The following PRAG1 variants were observed in gnomAD, a reference collection of about 807,000 sequenced individuals.
PRAG1 encodes the protein PEAK1 related, kinase-activating pseudokinase 1.
A neutral mutation model predicts 95.6 loss-of-function variants in PRAG1; 110 were observed. The observed-to-expected ratio is 1.15, with a 90% confidence interval of 0.99 to 1.35. The LOEUF (loss-of-function observed/expected upper bound fraction) is 1.35, where lower values mean the gene tolerates loss of function less well. PRAG1 is among the 40% of genes most tolerant of loss of function. PRAG1 has a pLI of 0.00. For missense variants in PRAG1, 2,554 were observed against 1,864.7 expected (o/e 1.37, Z -6.81); for synonymous variants, 1,052 against 819.4 (o/e 1.28, Z -4.85).
intron 3 of PRAG1, among the ~76,000 whole-genome samples, chr8:8,374,194 G>A (rs1021548457): frequency 6.6e-6 from 1 of 152,198 alleles, no homozygotes; most frequent in Non-Finnish European, 1.5e-5. Flanking sequence ...TCATTTTAGA[G>A]AAGAGACTCC....
At chr8:8,335,229 G>A (rs1798949802) in intron 4 of PRAG1, among the ~76,000 whole-genome samples, 1 of 152,190 alleles carries the variant, frequency 6.6e-6, no homozygotes, top group Admixed American at 6.5e-5. Flanking sequence ...TCATGCCAAT[G>A]TATGGCACAG....
intron 3 of PRAG1, among the ~76,000 whole-genome samples, chr8:8,364,762 C>T (rs974639727): frequency 4.6e-5 from 7 of 151,994 alleles, no homozygotes; most frequent in Non-Finnish European, 7.4e-5. Flanking sequence ...GTCACGGCTC[C>T]ACCTAAAAGA....
chr8:8,369,089 G>T (rs771546775), intron 3 of PRAG1, among the ~76,000 whole-genome samples: 11 of 152,016 alleles, frequency 7.2e-5, no homozygotes, highest in Admixed American at 2.6e-4. Flanking sequence ...TTAACTCAAG[G>T]TGGTAATGTT....
rs1190487815 is a variant in PRAG1, at chr8:8,318,766, C to T, written c.3609G>A (p.Gly1203=). The T allele has an allele frequency of 7.6e-6, 12 of 1,576,316 alleles. No homozygotes were observed. Among genetic ancestry groups the T allele is most frequent in the Middle Eastern group, 1.8e-4 (1 of 5,554 alleles). Residue 1203 remains glycine, a synonymous_variant, in exon 6 of 6, where the codon GGG becomes GGA. Coordinates refer to ENST00000615670, the MANE Select transcript of PRAG1 (RefSeq NM_001080826.3). The surrounding 1 kb of genome is among the most constrained non-coding windows in gnomAD (Gnocchi z 4.2). The stretch of plus-strand genomic sequence containing the variant: ...GCCGGGGCAGCTGCTTCTCCCGGGG[C>T]CCTTCCGGGGAGGCGGGGCCGGCTG... ...SPAAGPASPE[G]PREKQLPRLI...
chr8:8,365,797 T>TATAC lies in PRAG1; in HGVS notation c.2162+10449_2162+10450insGTAT, dbSNP rs945857697. On this transcript the variant is annotated intron_variant, in intron 3 of 5. Transcript: ENST00000615670. ...GGCCAATGTGGTGAAACCCTATATA[T>TATAC]ATATATATACACACACATATATATA... Among the ~76,000 whole-genome samples the TATAC allele has an allele frequency of 4.6e-5, 7 of 150,588 alleles. No homozygotes were observed. In the South Asian group the frequency reaches 1.5e-3, roughly 32 times the overall value.
chr8:8,346,596 A>G (rs1369869621), intron 3 of PRAG1, among the ~76,000 whole-genome samples: 1 of 152,242 alleles, frequency 6.6e-6, no homozygotes, highest in Admixed American at 6.5e-5. Flanking sequence ...CGGAAGAGCC[A>G]TCTGCTAGAC....
In PRAG1 at chr8:8,318,927, T is replaced by G; in HGVS notation, c.3448A>C (p.Asn1150His). 1.2e-6 allele frequency: 2 copies of G among 1,610,374 alleles called. No individual in the cohort carries two copies. The highest frequency in any genetic ancestry group is 1.7e-6 in the Non-Finnish European group (2 of 1,178,766). The change falls in exon 6 of 6, where the codon AAC becomes CAC. Residue 1150 changes from asparagine to histidine, a missense_variant. Coordinates refer to ENST00000615670, the MANE Select transcript of PRAG1 (RefSeq NM_001080826.3). This position sits in a 1 kb window ranked among gnomAD's most constrained non-coding sequence, Gnocchi z 4.2. The stretch of plus-strand genomic sequence containing the variant: ...AGGGTGCAGTGCACCAGCAGCAGGT[T>G]CTCCAGGCACAGGTCCCGGTGGATG... ...GIIHRDLCLE[N>H]LLLVHCTLQA... is the part of the protein sequence containing the mutation.
rs200629467 is a variant in PRAG1 at position 8,377,582 on chromosome 8, C to T, written c.827G>A (p.Arg276Gln). 153 of 1,611,602 alleles carry T rather than the reference C, an allele frequency of 9.5e-5. 1 individual carries two copies. Among genetic ancestry groups the T allele is most frequent in the Middle Eastern group, 6.6e-4 (4 of 6,080 alleles). Residue 276 changes from arginine to glutamine, a missense_variant, in exon 3 of 6, where the codon CGG becomes CAG. By Grantham distance (43) the Arg-to-Gln change is conservative. Transcript: ENST00000615670. ...GCAGTCCCTGCCACCATGCCTGCCC[C>T]GGGAACCTGCAGTCTGGGAGGCAGC... Reference protein sequence around the residue: ...AKAASQTAGSRGRHGGRDCSP... With the variant: ...AKAASQTAGSQGRHGGRDCSP...
intron 3 of PRAG1, among the ~76,000 whole-genome samples, chr8:8,362,141 T>C (rs948489406): frequency 3.3e-5 from 5 of 152,246 alleles, no homozygotes; most frequent in African/African-American, 1.2e-4. Context: ...TCGTCCTACC[T>C]GGCTGCTTCC....
At chr8:8,332,187 G>GT (rs1372425121) in intron 4 of PRAG1, among the ~76,000 whole-genome samples, 1 of 145,534 alleles carries the variant, frequency 6.9e-6, no homozygotes, top group East Asian at 2.0e-4. Flanking sequence ...TTTTGATGAA[G>GT]TTTTGCTCTT....
At chr8:8,348,433 C>G (rs1319150508) in intron 3 of PRAG1, among the ~76,000 whole-genome samples, 1 of 152,190 alleles carries the variant, frequency 6.6e-6, no homozygotes, top group Non-Finnish European at 1.5e-5. Context: ...TCCCCATAGT[C>G]TATTCATTCC....
Position 8,328,175 on chromosome 8 carries a change from C to G in PRAG1, c.2607G>C (p.Gly869=). The change falls in exon 5 of 6, where the codon GGG becomes GGC. Residue 869 remains glycine (G), a synonymous_variant. Transcript: ENST00000615670. ...ESHFSYSLSP[G]NRHHPVFSSS... ...AGGAGAAGACAGGATGGTGGCGGTTCCCGGGGCTCAACGAATAGCTAAAGT... is the reference window on the plus strand; with the variant it reads ...AGGAGAAGACAGGATGGTGGCGGTTGCCGGGGCTCAACGAATAGCTAAAGT... 6.2e-7 allele frequency: 1 copy of G among 1,614,146 alleles called. No individual in the cohort carries two copies. The highest frequency in any genetic ancestry group is 8.5e-7 in the Non-Finnish European group (1 of 1,180,020).
chr8:8,384,322 G>A (rs925175918), intron 1 of PRAG1, among the ~76,000 whole-genome samples: 1 of 152,034 alleles, frequency 6.6e-6, no homozygotes, highest in African/African-American at 2.4e-5. Flanking sequence ...AAGGGAGTGT[G>A]GAAGGATCTG....
Position 8,318,668 on chromosome 8 carries a change from T to C in PRAG1, c.3707A>G (p.Gln1236Arg), listed in dbSNP as rs1486664461. ...CACGATCTCGGGGGCCAGCCGGGCC[T>C]GGCTCTTCTTCTGCTGCAGGTTTGG... ...GTPNLQQKKSQARLAPEIVSA... is the reference protein window; with the variant it reads ...GTPNLQQKKSRARLAPEIVSA... Residue 1236 changes from glutamine (Q) to arginine (R), a missense_variant, in exon 6 of 6, where the codon CAG becomes CGG. Transcript: ENST00000615670. The surrounding 1 kb of genome is among the most constrained non-coding windows in gnomAD (Gnocchi z 4.2). 2.5e-6 allele frequency: 4 copies of C among 1,611,638 alleles called. No homozygotes were observed. Among genetic ancestry groups the C allele is most frequent in the East Asian group, 4.5e-5 (2 of 44,822 alleles).
intron 3 of PRAG1, among the ~76,000 whole-genome samples, chr8:8,350,319 G>T (rs1799481335): frequency 6.6e-6 from 1 of 152,014 alleles, no homozygotes. Flanking sequence ...GAGTGATGAA[G>T]AACTCATAGC....
chr8:8,332,183 T>C lies in PRAG1; in HGVS notation c.2321-3722A>G, dbSNP rs1018316484. Among the ~76,000 whole-genome samples, 17 of 143,312 alleles carry C rather than the reference T, an allele frequency of 1.2e-4. No homozygotes were observed. In the Admixed American group the frequency reaches 1.2e-3, roughly 10 times the overall value. 94.0% of individuals were successfully genotyped at this position (143,312 alleles called of 152,430 possible). A position where few individuals can be genotyped will look rare whatever the true frequency, so the allele number is the denominator to read the frequency against. On this transcript the variant is annotated intron_variant, in intron 4 of 5. Coordinates refer to ENST00000615670, the MANE Select transcript of PRAG1 (RefSeq NM_001080826.3). Reference sequence around the variant, plus strand: ...TTACGATTTTTTTTTTTTTTTTTGATGAAGTTTTGCTCTTGTTGCCCAGGC... The same window carrying C: ...TTACGATTTTTTTTTTTTTTTTTGACGAAGTTTTGCTCTTGTTGCCCAGGC...
chr8:8,379,026 G>A (rs1173947104), intron 2 of PRAG1, among the ~76,000 whole-genome samples: 1 of 151,618 alleles, frequency 6.6e-6, no homozygotes, highest in Non-Finnish European at 1.5e-5. Context: ...ACTGGATCAG[G>A]GTGAGGGGTG....
chr8:8,341,890 T>C (rs1210524584), intron 3 of PRAG1, among the ~76,000 whole-genome samples: 2 of 152,200 alleles, frequency 1.3e-5, no homozygotes, highest in Non-Finnish European at 2.9e-5. Flanking sequence ...CCCAGCACTT[T>C]GGGAGGTCAA....
chr8:8,348,162 C>T (rs2116859039), intron 3 of PRAG1, among the ~76,000 whole-genome samples: 1 of 152,310 alleles, frequency 6.6e-6, no homozygotes, highest in East Asian at 1.9e-4. Flanking sequence ...AGTAATCCAC[C>T]TGCCTTGGCC....
Sources: gnomAD v4.1 joint callset for allele counts (sites outside exome capture counted in the v4.1 genomes callset) on GRCh38, gnomAD v4.1.1 for gene constraint, Gnocchi (gnomAD v3.1) non-coding constraint, MANE v1.5 for transcripts, NCBI Gene and HGNC (gene_info 2026-07-23, HGNC 2026-07-21) for gene names.